Variants in CREBRF observed in about 807,000 individuals in gnomAD.
The protein encoded by CREBRF is UPF0474 protein C5orf41.
CREBRF carries 5 observed loss-of-function variants against 66.1 expected under a neutral mutation model. The ratio of observed to expected loss-of-function variants is 0.08; its 90% CI spans 0.04 to 0.16. The LOEUF (loss-of-function observed/expected upper bound fraction) is 0.16, where lower values mean the gene tolerates loss of function less well. Ranked by LOEUF, CREBRF falls within the 10% of genes least tolerant of loss-of-function variation. The pLI is 1.00. For missense variants in CREBRF, 531 were observed against 744.9 expected, an observed-to-expected ratio of 0.71 and a Z score of 3.34; for synonymous variants, 229 against 264.4, an observed-to-expected ratio of 0.87 and a Z score of 1.30.
chr5:173,123,358 G>A, intron 8 of CREBRF, 156 bp downstream of exon 8: 1 of 621,550 alleles, frequency 1.6e-6, no homozygotes, highest in Non-Finnish European at 2.6e-6. Context: ...TTGAGATTTA[G>A]TGTTCATAAA....
chr5:173,066,896 C>T (rs1162913038), intron 1 of CREBRF, among the ~76,000 whole-genome samples: 3 of 138,064 alleles, frequency 2.2e-5, no homozygotes, highest in Non-Finnish European at 4.5e-5. Context: ...CTCATTGTAT[C>T]CTTGACCTCC....
At chr5:173,075,087 G>C (rs1757719688) in intron 1 of CREBRF, among the ~76,000 whole-genome samples, 1 of 152,146 alleles carries the variant, frequency 6.6e-6, no homozygotes, top group Non-Finnish European at 1.5e-5. Flanking sequence ...CCAATCTGAG[G>C]GAAAAGATAC....
intron 3 of CREBRF, among the ~76,000 whole-genome samples, chr5:173,089,673 A>AG (rs1343625262): frequency 2.0e-5 from 3 of 151,708 alleles, no homozygotes; most frequent in Non-Finnish European, 4.4e-5. Context: ...AAAAAAAAAA[A>AG]AAAGAAAAAA....
chr5:173,105,889 A>G (rs1182678174), intron 4 of CREBRF, among the ~76,000 whole-genome samples: 1 of 151,470 alleles, frequency 6.6e-6, no homozygotes, highest in African/African-American at 2.4e-5. Context: ...AAGTGCTGGG[A>G]TTACAGGCAT....
intron 5 of CREBRF, chr5:173,109,729 A>T (rs1468977762): frequency 1.3e-5 from 2 of 152,274 alleles, no homozygotes; most frequent in African/African-American, 4.8e-5. Context: ...GTTGCAAAGG[A>T]TTTTTGAGGA....
chr5:173,120,670 C>T (rs537497124), intron 7 of CREBRF, among the ~76,000 whole-genome samples: 13 of 146,062 alleles, frequency 8.9e-5, no homozygotes, highest in South Asian at 2.2e-4. Context: ...TGTGAGCCAC[C>T]GTGCCTGAGC....
In CREBRF at chr5:173,091,261, A is replaced by G; in HGVS notation, c.1082A>G (p.Glu361Gly). ...KCSPEEDEED[E>G]EDVDDEDHDE... is the part of the protein sequence containing the mutation. Reference sequence around the variant, plus strand: ...AGTCCTGAAGAAGATGAGGAGGACGAGGAGGATGTTGATGATGAGGACCAT... The same window carrying G: ...AGTCCTGAAGAAGATGAGGAGGACGGGGAGGATGTTGATGATGAGGACCAT... Residue 361 changes from glutamate to glycine, a missense_variant, in exon 4 of 9, where the codon GAG becomes GGG. Physicochemically the swap from Glu to Gly is moderately conservative, Grantham distance 98. Around this residue, in one of 5 missense-constraint regions of CREBRF, gnomAD observed 309 missense variants for 341.4 expected, o/e 0.90. Coordinates refer to ENST00000296953, the MANE Select transcript of CREBRF (RefSeq NM_153607.3). 1 of 1,614,036 alleles carries G rather than the reference A, an allele frequency of 6.2e-7. No individual in the cohort carries two copies. The highest frequency in any genetic ancestry group is 8.5e-7 in the Non-Finnish European group (1 of 1,179,946).
At chr5:173,058,999 G>A (rs927972620) in intron 1 of CREBRF, among the ~76,000 whole-genome samples, 9 of 151,358 alleles carry the variant, frequency 5.9e-5, no homozygotes, top group Admixed American at 2.6e-4. Context: ...GTTTCACCAC[G>A]TGCTGGTCAG....
intron 5 of CREBRF, chr5:173,109,497 A>T (rs1006109933): frequency 1.4e-5 from 2 of 146,888 alleles, no homozygotes; most frequent in Non-Finnish European, 3.0e-5. Context: ...TAAAAATGAC[A>T]GTCTTAGGTA....
chr5:173,127,448 T>C (rs1295291548), intron 8 of CREBRF, among the ~76,000 whole-genome samples: 1 of 145,342 alleles, frequency 6.9e-6, no homozygotes, highest in Non-Finnish European at 1.5e-5. Flanking sequence ...CTAGCTGAGT[T>C]TCTTTTTCTT....
In CREBRF at chr5:173,091,458, GA is replaced by G. The variant is rs773149538; in HGVS notation, c.1222+60del. 59 of 1,555,478 alleles carry G rather than the reference GA, an allele frequency of 3.8e-5. No individual in the cohort carries two copies. The East Asian group carries it at 7.5e-4, about 20-fold the overall frequency. On this transcript the variant is annotated intron_variant, in intron 4 of 8. Coordinates refer to ENST00000296953, the MANE Select transcript of CREBRF (RefSeq NM_153607.3). ...ACCTTTGTATTACTATTTTGAAATA[GA>G]AAGGTTTTTGTTTCTGTTTTGTTTG... is the stretch of plus-strand genomic sequence containing the variant.
rs141970449 is a variant in CREBRF at position 173,125,315 on chromosome 5, T to C, written c.1804+2113T>C. On this transcript the variant is annotated intron_variant, in intron 8 of 8. Transcript: ENST00000296953. ...TTACTTTCAGGAATTTTCCCCTGTA[T>C]TTCTAATTATTTTCTGAATTCTGTC... Among the ~76,000 whole-genome samples the C allele has an allele frequency of 1.8e-3, 267 of 152,308 alleles. 1 individual carries two copies. Among genetic ancestry groups the C allele is most frequent in the African/African-American group, 6.3e-3 (260 of 41,580 alleles).
chr5:173,092,112 T>C (rs1399534721), intron 4 of CREBRF: 30 of 814,844 alleles, frequency 3.7e-5, no homozygotes, highest in Non-Finnish European at 4.4e-5. Context: ...AATAAAAATA[T>C]TACTGTTTAT....
intron 4 of CREBRF, among the ~76,000 whole-genome samples, chr5:173,106,291 G>A (rs1231964702): frequency 3.9e-5 from 6 of 151,936 alleles, no homozygotes; most frequent in Non-Finnish European, 7.4e-5. Flanking sequence ...TTAGCCAGGC[G>A]TGGTGGTGGG....
intron 7 of CREBRF, among the ~76,000 whole-genome samples, chr5:173,122,336 T>C (rs1042957276): frequency 1.4e-4 from 22 of 152,120 alleles, no homozygotes; most frequent in Admixed American, 1.3e-4. Context: ...CCTGACCTCA[T>C]GCAGTCCACC....
intron 4 of CREBRF, among the ~76,000 whole-genome samples, chr5:173,098,878 CT>C (rs543027649): frequency 1.6e-3 from 214 of 136,766 alleles, no homozygotes; most frequent in East Asian, 3.4e-3. Context: ...TATTTTTTTA[CT>C]TTTTTTTTTT....
chr5:173,098,892 T>G (rs1244673108), intron 4 of CREBRF, among the ~76,000 whole-genome samples: 7 of 151,584 alleles, frequency 4.6e-5, no homozygotes, highest in Non-Finnish European at 1.0e-4. Context: ...TTTTTTTTTT[T>G]TTGAGACAGA....
At chr5:173,068,145 G>C (rs535932846) in intron 1 of CREBRF, 2 of 453,502 alleles carry the variant, frequency 4.4e-6, no homozygotes, top group Non-Finnish European at 8.9e-6. Context: ...AAAAACTAAC[G>C]AGTTACTGTA....
chr5:173,088,759 A>G (rs979175081), intron 3 of CREBRF, among the ~76,000 whole-genome samples: 2 of 152,194 alleles, frequency 1.3e-5, no homozygotes, highest in Non-Finnish European at 2.9e-5. Context: ...GAAATAACAC[A>G]AAAATATATA....
Sources: allele counts gnomAD v4.1 joint callset (sites outside exome capture counted in the v4.1 genomes callset), GRCh38; gene constraint gnomAD v4.1.1; regional missense constraint gnomAD v4.1.1; transcripts MANE v1.5; gene names NCBI Gene and HGNC (gene_info 2026-07-23, HGNC 2026-07-21).